Variants in CCZ1B observed in about 807,000 individuals in gnomAD.
CCZ1B encodes the protein CCZ1B vacuolar protein trafficking and biogenesis associated, also known as vacuolar fusion protein CCZ1 homolog B.
CCZ1B carries 25 observed loss-of-function variants against 58.8 expected under a neutral mutation model. The ratio of observed to expected loss-of-function variants is 0.43; its 90% CI spans 0.31 to 0.59. CCZ1B has a LOEUF of 0.59. Among genes scored for constraint, CCZ1B ranks in the 20% least tolerant of loss-of-function variants. The pLI is 0.12. For synonymous variants in CCZ1B, 66 were observed against 173.2 expected, an observed-to-expected ratio of 0.38 and a Z score of 4.86; for missense variants, 180 against 501.5, an observed-to-expected ratio of 0.36 and a Z score of 6.12.
chr7:6,803,700 A>G (rs1362294511), intron 12 of CCZ1B, among the ~76,000 whole-genome samples: 5 of 147,812 alleles, frequency 3.4e-5, no homozygotes, highest in African/African-American at 7.4e-5. Context: ...GCGGTGGCTC[A>G]CGCCTGTCAT....
chr7:6,812,078 C>G lies in CCZ1B; in HGVS notation c.843-15G>C, dbSNP rs762823801. On this transcript the variant is annotated splice_polypyrimidine_tract_variant and intron_variant, in intron 9 of 14. Transcript: ENST00000316731. Reference sequence around the variant, plus strand: ...CGGTAAGAAATCTTAAAAGCAAGAACAGACATGACTTGATTCAACGAGGTG... The same window carrying G: ...CGGTAAGAAATCTTAAAAGCAAGAAGAGACATGACTTGATTCAACGAGGTG... 1.0e-5 allele frequency: 11 copies of G among 1,089,086 alleles called. No homozygotes were observed. The highest frequency in any genetic ancestry group is 1.5e-5 in the Non-Finnish European group (11 of 710,024). 67.5% of individuals were successfully genotyped at this position (1,089,086 alleles called of 1,614,324 possible). A position where few individuals can be genotyped will look rare whatever the true frequency, so the allele number is the denominator to read the frequency against.
chr7:6,811,817 G>T (rs1782920533), intron 10 of CCZ1B, 135 bp downstream of exon 10: 6 of 657,278 alleles, frequency 9.1e-6, no homozygotes, highest in Non-Finnish European at 1.6e-5. Flanking sequence ...CACCCATTTT[G>T]AGTTTTACCA....
intron 10 of CCZ1B, among the ~76,000 whole-genome samples, chr7:6,808,772 G>A (rs1234388610): frequency 6.6e-6 from 1 of 152,106 alleles, no homozygotes; most frequent in Non-Finnish European, 1.5e-5. Flanking sequence ...GCAGTGGCAC[G>A]ATCTTGGCTC....
intron 1 of CCZ1B, among the ~76,000 whole-genome samples, chr7:6,825,661 A>ACC (rs1016801230): frequency 1.6e-5 from 2 of 124,882 alleles, no homozygotes; most frequent in African/African-American, 6.5e-5. Context: ...ACACACACAC[A>ACC]CACCCCTCCC....
At chr7:6,818,662 AC>A (rs1562431368) in intron 7 of CCZ1B, among the ~76,000 whole-genome samples, 6,725 of 101,410 alleles carry the variant, frequency 0.066, 633 homozygotes, top group South Asian at 0.18. Context: ...AGAAAGAAAG[AC>A]AGACAGAAAG....
At chr7:6,814,355 T>C (rs1322743324) in intron 8 of CCZ1B, among the ~76,000 whole-genome samples, 2 of 148,892 alleles carry the variant, frequency 1.3e-5, no homozygotes, top group African/African-American at 5.1e-5. Context: ...GCCAACATAG[T>C]GAAACCTGTC....
At chr7:6,819,077 G>A (rs1354075017) in intron 7 of CCZ1B, among the ~76,000 whole-genome samples, 2 of 125,754 alleles carry the variant, frequency 1.6e-5, no homozygotes, top group Non-Finnish European at 3.2e-5. Flanking sequence ...TTGAGGCCAG[G>A]AGTTTGAGAC....
At position 6,814,646 on chromosome 7, in the gene CCZ1B, C is replaced by G. The variant is rs61406768; in HGVS notation, c.780+118G>C. ...GATATACAGTGACATAAATAACACA[C>G]TAAGACAAAACATACATCAGAAACG... On this transcript the variant is annotated intron_variant, in intron 8 of 14. Transcript: ENST00000316731. 7.5e-5 allele frequency: 68 copies of G among 904,266 alleles called. No homozygotes were observed. The Middle Eastern group carries it at 1.7e-3, about 22-fold the overall frequency. The allele number at this position is 904,266 out of a possible 1,614,324, so 56.0% of individuals were successfully genotyped here.
At position 6,819,847 on chromosome 7, in the gene CCZ1B, A is replaced by G; in HGVS notation, c.617T>C (p.Ile206Thr). Residue 206 changes from isoleucine (I) to threonine (T), a missense_variant, in exon 7 of 15, where the codon ATC (isoleucine) becomes ACC (threonine). Physicochemically the swap from Ile to Thr is moderately conservative, Grantham distance 89 (BLOSUM62 -1). Coordinates refer to ENST00000316731, the MANE Select transcript of CCZ1B (RefSeq NM_198097.5). ...CTCCATTCTATTAATAAAGGACTGG[A>G]TTTTCAAATAAGTCATTTTATCCAA... Reference protein sequence around the residue: ...FPLDKMTYLKIQSFINRMEES... With the variant: ...FPLDKMTYLKTQSFINRMEES... 1 of 1,574,638 alleles carries G rather than the reference A, an allele frequency of 6.4e-7. No homozygotes were observed. Among genetic ancestry groups the G allele is most frequent in the Non-Finnish European group, 8.7e-7 (1 of 1,151,000 alleles).
intron 3 of CCZ1B, 23 bp from the exon 4 acceptor site, chr7:6,824,189 A>G: frequency 7.3e-7 from 1 of 1,362,062 alleles, no homozygotes; most frequent in Non-Finnish European, 9.9e-7. Context: ...ATAAACTGAA[A>G]TTATACAATG....
At position 6,819,843 on chromosome 7, in the gene CCZ1B, C is replaced by A. The variant is rs1265567133; in HGVS notation, c.621G>T (p.Gln207His). The A allele has an allele frequency of 6.4e-7, 1 of 1,572,380 alleles. No individual in the cohort carries two copies. Among genetic ancestry groups the A allele is most frequent in the Non-Finnish European group, 8.7e-7 (1 of 1,149,174 alleles). Residue 207 changes from glutamine (Q) to histidine (H), a missense_variant, in exon 7 of 15, where the codon CAG becomes CAT. Physicochemically the swap from Gln to His is conservative, Grantham distance 24. Transcript: ENST00000316731. Reference sequence around the variant, plus strand: ...TTTCCTCCATTCTATTAATAAAGGACTGGATTTTCAAATAAGTCATTTTAT... The same window carrying A: ...TTTCCTCCATTCTATTAATAAAGGAATGGATTTTCAAATAAGTCATTTTAT... ...PLDKMTYLKI[Q>H]SFINRMEESL...
chr7:6,814,994 C>T, intron 7 of CCZ1B, 149 bp from the exon 8 acceptor site: 1 of 538,480 alleles, frequency 1.9e-6, no homozygotes, highest in Non-Finnish European at 3.2e-6. Flanking sequence ...TTTAAAGCTA[C>T]TTAAAACTCA....
intron 8 of CCZ1B, 67 bp from the exon 9 acceptor site, chr7:6,813,104 A>C (rs1274675782): frequency 2.4e-5 from 26 of 1,102,414 alleles, no homozygotes; most frequent in Non-Finnish European, 3.2e-5. Context: ...GCTTTGAAAA[A>C]CAGCATTATC....
chr7:6,810,034 CAG>C (rs1782895050), intron 10 of CCZ1B, among the ~76,000 whole-genome samples: 1 of 150,694 alleles, frequency 6.6e-6, no homozygotes, highest in African/African-American at 2.5e-5. Flanking sequence ...CTTTCTGAGA[CAG>C]AGTCTTGCTC....
intron 8 of CCZ1B, among the ~76,000 whole-genome samples, chr7:6,814,070 CA>C (rs1295185646): frequency 2.0e-5 from 3 of 148,778 alleles, no homozygotes; most frequent in African/African-American, 7.7e-5. Context: ...TGTTTGAATC[CA>C]GGAAGCGGAA....
intron 12 of CCZ1B, among the ~76,000 whole-genome samples, chr7:6,804,056 A>G (rs558212247): frequency 7.9e-4 from 119 of 150,746 alleles, no homozygotes; most frequent in African/African-American, 2.6e-3. Flanking sequence ...AGCCCATTTA[A>G]AAGCAGGACT....
rs143487751 is a variant in CCZ1B, at chr7:6,800,744, T to G, written c.1393+204A>C. On this transcript the variant is annotated intron_variant, in intron 14 of 14. Transcript: ENST00000316731. ...GAATTGTAGAAAATAATTTTCTTTC[T>G]GCCATTGCCAAGTTTCCTGTGCTAC... Among the ~76,000 whole-genome samples, 358 of 133,252 alleles carry G rather than the reference T, an allele frequency of 2.7e-3. 6 individuals carry two copies. The highest frequency in any genetic ancestry group is 6.8e-3 in the African/African-American group (232 of 34,332). 87.4% of individuals were successfully genotyped at this position (133,252 alleles called of 152,430 possible). A position where few individuals can be genotyped will look rare whatever the true frequency, so the allele number is the denominator to read the frequency against.
intron 12 of CCZ1B, among the ~76,000 whole-genome samples, chr7:6,804,254 C>G (rs1782804191): frequency 8.6e-6 from 1 of 116,752 alleles, no homozygotes; most frequent in Non-Finnish European, 1.7e-5. Context: ...GTGAAACCGT[C>G]TCTACTAAAA....
chr7:6,819,240 C>CTCTT (rs1783069910), intron 7 of CCZ1B, among the ~76,000 whole-genome samples: 24 of 133,030 alleles, frequency 1.8e-4, no homozygotes, highest in African/African-American at 7.2e-4. Context: ...TAGGAACATT[C>CTCTT]TTTTTTTTTT....
Sources: gnomAD v4.1 joint callset for allele counts (sites outside exome capture counted in the v4.1 genomes callset) on GRCh38, gnomAD v4.1.1 for gene constraint, MANE v1.5 for transcripts, NCBI Gene and HGNC (gene_info 2026-07-23, HGNC 2026-07-21) for gene names.